Variants in SH3GL2 observed in about 807,000 individuals in gnomAD.
The protein encoded by SH3GL2 is SH3 domain containing GRB2 like 2, endophilin A1, also known as endophilin-A1.
Under a neutral mutation model 46.0 loss-of-function variants are expected in SH3GL2, and 24 were observed. The ratio of observed to expected loss-of-function variants is 0.52; its 90% CI spans 0.38 to 0.73. SH3GL2 has a LOEUF of 0.73. SH3GL2 is among the 30% of genes least tolerant of loss of function. SH3GL2 has a pLI of 0.00. For synonymous variants in SH3GL2, 196 were observed against 147.1 expected (o/e 1.33, Z -2.40); for missense variants, 413 against 424.2 (o/e 0.97, Z 0.23).
chr9:17,729,621 T>G (rs1409608935), intron 1 of SH3GL2, among the ~76,000 whole-genome samples: 1 of 152,250 alleles, frequency 6.6e-6, no homozygotes, highest in Non-Finnish European at 1.5e-5. Context: ...TTAATCCATC[T>G]TGAATTAATT....
chr9:17,729,228 C>CT lies in SH3GL2; in HGVS notation c.46-17831dup, dbSNP rs1358646302. ...TTCTCTAATGACCGGTGATGATGAG[C>CT]TTTTTTTCATATGTTTGTTGGCCGC... On this transcript the variant is annotated intron_variant, in intron 1 of 8. Transcript: ENST00000380607. 1.1e-4 allele frequency among the ~76,000 whole-genome samples: 16 copies of CT among 152,232 alleles called. No homozygotes were observed. The East Asian group carries it at 3.1e-3, about 29-fold the overall frequency.
chr9:17,679,394 A>G (rs911634067), intron 1 of SH3GL2, among the ~76,000 whole-genome samples: 37 of 152,146 alleles, frequency 2.4e-4, no homozygotes, highest in Non-Finnish European at 3.8e-4. Flanking sequence ...CTTTGAAGCA[A>G]CTTTGAATGG....
chr9:17,663,377 T>A (rs1820268844), intron 1 of SH3GL2, among the ~76,000 whole-genome samples: 1 of 152,224 alleles, frequency 6.6e-6, no homozygotes, highest in African/African-American at 2.4e-5. Flanking sequence ...TCTGCTTTCC[T>A]CCTATTAAAA....
chr9:17,762,485 C>G (rs1053765407), intron 3 of SH3GL2, among the ~76,000 whole-genome samples: 2 of 152,082 alleles, frequency 1.3e-5, no homozygotes, highest in East Asian at 1.9e-4. Flanking sequence ...TCTATGCCCC[C>G]TGCTGCTGGC....
At chr9:17,761,770 G>T (rs552673729) in intron 3 of SH3GL2, among the ~76,000 whole-genome samples, 5 of 152,288 alleles carry the variant, frequency 3.3e-5, no homozygotes, top group African/African-American at 1.2e-4. Context: ...AACAGTTCAG[G>T]TGACACATAA....
chr9:17,668,277 C>G (rs1036937215), intron 1 of SH3GL2, among the ~76,000 whole-genome samples: 2 of 152,150 alleles, frequency 1.3e-5, no homozygotes, highest in African/African-American at 4.8e-5. Flanking sequence ...TTTAAATTTA[C>G]TTTGAGTTAA....
intron 7 of SH3GL2, among the ~76,000 whole-genome samples, chr9:17,792,929 C>T (rs61551917): frequency 0.082 from 12,473 of 152,170 alleles, 1,206 homozygotes; most frequent in African/African-American, 0.23. Context: ...ATTGTGGGTA[C>T]ATAGGTGTAT....
At chr9:17,602,144 G>T (rs1818683520) in intron 1 of SH3GL2, among the ~76,000 whole-genome samples, 1 of 152,180 alleles carries the variant, frequency 6.6e-6, no homozygotes, top group Admixed American at 6.5e-5. Context: ...GTGACAATCA[G>T]ACGTCTTTAA....
rs541639715 is a variant in SH3GL2, at chr9:17,636,191, A to G, written c.45+56904A>G. ...AGTTACTTAAGAAGAAGTATCTAGC[A>G]TGGGATAACCGTGGATTGAAAAGCA... On this transcript the variant is annotated intron_variant, in intron 1 of 8. Coordinates refer to ENST00000380607, the MANE Select transcript of SH3GL2 (RefSeq NM_003026.5). Among the ~76,000 whole-genome samples, 33 of 152,322 alleles carry G rather than the reference A, an allele frequency of 2.2e-4. No homozygotes were observed. The Middle Eastern group carries it at 0.014, about 63-fold the overall frequency.
chr9:17,652,060 A>T (rs1054344371), intron 1 of SH3GL2, among the ~76,000 whole-genome samples: 4 of 151,994 alleles, frequency 2.6e-5, no homozygotes, highest in African/African-American at 9.7e-5. Context: ...TTTTTAGTTC[A>T]TTGATTTCTG....
At chr9:17,648,569 G>T (rs1819882062) in intron 1 of SH3GL2, among the ~76,000 whole-genome samples, 1 of 151,888 alleles carries the variant, frequency 6.6e-6, no homozygotes, top group African/African-American at 2.4e-5. Flanking sequence ...GAAAAAGGAG[G>T]GTTGCCTTTG....
intron 1 of SH3GL2, among the ~76,000 whole-genome samples, chr9:17,715,016 T>C (rs1306712985): frequency 6.6e-6 from 1 of 151,820 alleles, no homozygotes; most frequent in African/African-American, 2.4e-5. Flanking sequence ...TTGGTAGACA[T>C]GTTTTGTTCT....
intron 1 of SH3GL2, among the ~76,000 whole-genome samples, chr9:17,630,591 A>G (rs1819398277): frequency 6.6e-6 from 1 of 152,184 alleles, no homozygotes; most frequent in Non-Finnish European, 1.5e-5. Context: ...CACATGCTAT[A>G]TGACTTTTTG....
At chr9:17,743,876 G>A (rs995356676) in intron 1 of SH3GL2, among the ~76,000 whole-genome samples, 1 of 152,128 alleles carries the variant, frequency 6.6e-6, no homozygotes, top group African/African-American at 2.4e-5. Context: ...TTAACACAGG[G>A]TTACCAGGAT....
chr9:17,661,885 G>A (rs964776662), intron 1 of SH3GL2, among the ~76,000 whole-genome samples: 2 of 152,184 alleles, frequency 1.3e-5, no homozygotes, highest in African/African-American at 4.8e-5. Context: ...AATGTAAAAT[G>A]TGTGTTATAA....
At chr9:17,585,900 A>G (rs1818367930) in intron 1 of SH3GL2, among the ~76,000 whole-genome samples, 1 of 152,186 alleles carries the variant, frequency 6.6e-6, no homozygotes. Context: ...ACTTTGTAGT[A>G]CAACCCTTCT....
At chr9:17,588,368 A>T (rs1358269838) in intron 1 of SH3GL2, among the ~76,000 whole-genome samples, 1 of 152,154 alleles carries the variant, frequency 6.6e-6, no homozygotes, top group African/African-American at 2.4e-5. Context: ...TATTCCTGAG[A>T]CTTTTAACTT....
chr9:17,780,469 GTT>G lies in SH3GL2; in HGVS notation c.188-5902_188-5901del, dbSNP rs201979727. ...TTTTCTAGATATTTTGAATAGCACA[GTT>G]TTTTTTTTTAATTTTTTTTTTATTA... is the stretch of plus-strand genomic sequence containing the variant. On this transcript the variant is annotated intron_variant, in intron 3 of 8. Coordinates refer to ENST00000380607, the MANE Select transcript of SH3GL2 (RefSeq NM_003026.5). Among the ~76,000 whole-genome samples, 84 of 146,852 alleles carry G rather than the reference GTT, an allele frequency of 5.7e-4. 1 individual carries two copies. The highest frequency in any genetic ancestry group is 2.7e-3 in the Admixed American group (39 of 14,610).
chr9:17,582,251 C>G (rs1476101114), intron 1 of SH3GL2, among the ~76,000 whole-genome samples: 1 of 145,734 alleles, frequency 6.9e-6, no homozygotes, highest in African/African-American at 2.6e-5. Context: ...AAAATCCTTT[C>G]AGCATGAAAA....
Sources: gnomAD v4.1 joint callset for allele counts (sites outside exome capture counted in the v4.1 genomes callset) on GRCh38, gnomAD v4.1.1 for gene constraint, MANE v1.5 for transcripts, NCBI Gene and HGNC (gene_info 2026-07-23, HGNC 2026-07-21) for gene names.